The following MAP1LC3A variants were observed in gnomAD, a reference collection of about 807,000 sequenced individuals.
MAP1LC3A encodes microtubule associated protein 1 light chain 3 alpha, also known as microtubule-associated protein 1 light chain 3 alpha.
Under a neutral mutation model 15.2 loss-of-function variants are expected in MAP1LC3A, and 10 were observed. That is an observed-to-expected ratio of 0.66 (90% CI 0.41 to 1.12). The LOEUF (loss-of-function observed/expected upper bound fraction) is 1.12, where lower values mean the gene tolerates loss of function less well. MAP1LC3A is among the 50% of genes most tolerant of loss of function. MAP1LC3A has a pLI of 0.00. For missense variants in MAP1LC3A, 138 were observed against 167.3 expected (o/e 0.82, Z 0.97); for synonymous variants, 63 against 64.3 (o/e 0.98, Z 0.10).
At chr20:34,550,087 ACT>A in intron 2 of MAP1LC3A, 1 of 1,552,182 alleles carries the variant, frequency 6.4e-7, no homozygotes, top group East Asian at 2.2e-5. Flanking sequence ...GTCTGTCCAC[ACT>A]CGCGGTCATC....
chr20:34,560,084 G>A lies in MAP1LC3A; in HGVS notation c.*186G>A. 3 of 451,874 alleles carry A rather than the reference G, an allele frequency of 6.6e-6. No homozygotes were observed. Among genetic ancestry groups the A allele is most frequent in the Middle Eastern group, 6.6e-4 (1 of 1,520 alleles). 28.0% of individuals were successfully genotyped at this position (451,874 alleles called of 1,614,324 possible). ...TGGATCCTGGGCCGGTCGTGTTAGG[G>A]TTGTCCCTCTGGGTGCTGGCTGGTG... On this transcript the variant is annotated 3_prime_UTR_variant, in exon 4 of 4. Coordinates refer to ENST00000360668, the MANE Select transcript of MAP1LC3A (RefSeq NM_032514.4).
intron 1 of MAP1LC3A, among the ~76,000 whole-genome samples, chr20:34,547,945 G>T (rs1981801761): frequency 6.6e-6 from 1 of 152,180 alleles, no homozygotes; most frequent in Non-Finnish European, 1.5e-5. Context: ...GCGGGGGTCA[G>T]TGTGCTCGGC....
chr20:34,559,135 C>A, intron 1 of MAP1LC3A, 73 bp from the exon 2 acceptor site: 1 of 1,404,454 alleles, frequency 7.1e-7, no homozygotes, highest in Non-Finnish European at 9.3e-7. Context: ...TGGCCGGGGG[C>A]CGCCCCTCCG....
At chr20:34,552,414 G>T (rs538594711) in intron 2 of MAP1LC3A, among the ~76,000 whole-genome samples, 1 of 152,368 alleles carries the variant, frequency 6.6e-6, no homozygotes, top group East Asian at 1.9e-4. Context: ...CAGCATATTG[G>T]AAGGCCTCCC....
chr20:34,557,935 C>G (rs1982220897), upstream of MAP1LC3A, among the ~76,000 whole-genome samples: 1 of 141,498 alleles, frequency 7.1e-6, no homozygotes. Context: ...CCCCCTCCCC[C>G]CTCCCCCAAA....
At chr20:34,548,250 T>C (rs1463726956) in intron 1 of MAP1LC3A, among the ~76,000 whole-genome samples, 1 of 152,172 alleles carries the variant, frequency 6.6e-6, no homozygotes, top group Non-Finnish European at 1.5e-5. Context: ...ACCTGACAGC[T>C]GGAAGCCAAA....
At chr20:34,559,652 G>C (rs1982352823) in intron 3 of MAP1LC3A, 84 bp from the exon 4 acceptor site, 5 of 1,443,184 alleles carry the variant, frequency 3.5e-6, no homozygotes, top group Non-Finnish European at 4.7e-6. Context: ...GGGTGTGAAA[G>C]GCTGGGAATC....
chr20:34,548,356 C>T (rs951336903), intron 1 of MAP1LC3A, among the ~76,000 whole-genome samples: 2 of 152,136 alleles, frequency 1.3e-5, no homozygotes, highest in African/African-American at 2.4e-5. Flanking sequence ...GCGAAGGCCG[C>T]GGGGAGCCAA....
At chr20:34,549,453 C>T (rs532141762) in intron 1 of MAP1LC3A, among the ~76,000 whole-genome samples, 77 of 152,324 alleles carry the variant, frequency 5.1e-4, no homozygotes, top group Non-Finnish European at 8.1e-4. Flanking sequence ...TTAAACGAGG[C>T]GCCAAGTCAC....
At chr20:34,553,121 G>A (rs923526365) in intron 2 of MAP1LC3A, among the ~76,000 whole-genome samples, 4 of 152,272 alleles carry the variant, frequency 2.6e-5, no homozygotes, top group East Asian at 1.9e-4. Flanking sequence ...GGTGGGTGGC[G>A]GAGGTTGCGG....
intron 1 of MAP1LC3A, 129 bp downstream of exon 1, chr20:34,559,037 G>C (rs1244144618): frequency 2.2e-6 from 3 of 1,335,346 alleles, no homozygotes; most frequent in Non-Finnish European, 2.9e-6. Context: ...GCTCCGGCCT[G>C]GGCGGGGGCT....
chr20:34,554,184 T>G (rs924388349), upstream of MAP1LC3A, among the ~76,000 whole-genome samples: 31 of 150,712 alleles, frequency 2.1e-4, no homozygotes, highest in African/African-American at 6.1e-4. Flanking sequence ...CTCTTGGATT[T>G]CCTGGCTGTG....
At chr20:34,547,417 C>CTTT (rs935450076) in intron 1 of MAP1LC3A, among the ~76,000 whole-genome samples, 15 of 121,066 alleles carry the variant, frequency 1.2e-4, no homozygotes, top group African/African-American at 4.1e-4. Flanking sequence ...CGCTCCCCAC[C>CTTT]TTTTTTTTTT....
chr20:34,548,430 C>T (rs1385676436), intron 1 of MAP1LC3A, among the ~76,000 whole-genome samples: 3 of 152,182 alleles, frequency 2.0e-5, no homozygotes, highest in South Asian at 2.1e-4. Flanking sequence ...GTGGCAGCCC[C>T]GGCCCTCTCA....
upstream of MAP1LC3A, among the ~76,000 whole-genome samples, chr20:34,556,585 T>C (rs1685820920): frequency 6.6e-6 from 1 of 152,016 alleles, no homozygotes; most frequent in African/African-American, 2.4e-5. Context: ...GTGTTCTTAA[T>C]ATATTTTCAG....
chr20:34,554,226 G>A (rs1022630533), upstream of MAP1LC3A, among the ~76,000 whole-genome samples: 2 of 151,844 alleles, frequency 1.3e-5, no homozygotes, highest in African/African-American at 4.8e-5. Context: ...TTGTCTTGGT[G>A]CTCTGGACCC....
upstream of MAP1LC3A, chr20:34,558,221 C>A: frequency 1.0e-6 from 1 of 978,808 alleles, no homozygotes; most frequent in South Asian, 4.7e-5. The surrounding 1 kb of genome is among the most constrained non-coding windows in gnomAD (Gnocchi z 4.3). Context: ...ACCTGAATTT[C>A]GATGGCTCTA....
intron 3 of MAP1LC3A, 133 bp downstream of exon 3, chr20:34,559,586 G>T (rs1022268242): frequency 1.6e-6 from 2 of 1,235,454 alleles, no homozygotes; most frequent in Admixed American, 4.0e-5. Context: ...GGCTGGAAAG[G>T]TCAAGGTCGG....
At chr20:34,558,052 G>A, upstream of MAP1LC3A, 2 of 984,852 alleles carry the variant, frequency 2.0e-6, no homozygotes, top group Non-Finnish European at 2.4e-6. The surrounding 1 kb of genome is among the most constrained non-coding windows in gnomAD (Gnocchi z 4.3). Flanking sequence ...TTCGCCTCTG[G>A]AGCTCTGCTC....
Sources: allele counts gnomAD v4.1 joint callset (sites outside exome capture counted in the v4.1 genomes callset), GRCh38; gene constraint gnomAD v4.1.1; non-coding constraint Gnocchi (gnomAD v3.1); transcripts MANE v1.5; gene names NCBI Gene and HGNC (gene_info 2026-07-23, HGNC 2026-07-21).